PLXNB2: variants seen among roughly 807,000 people sequenced by gnomAD.
PLXNB2 encodes plexin-B2.
A neutral mutation model predicts 202.6 loss-of-function variants in PLXNB2; 85 were observed. The ratio of observed to expected loss-of-function variants is 0.42; its 90% CI spans 0.35 to 0.50. The LOEUF (loss-of-function observed/expected upper bound fraction) is 0.50, where lower values mean the gene tolerates loss of function less well. PLXNB2 is among the 20% of genes least tolerant of loss of function. The pLI is 0.02. For missense variants in PLXNB2, 2,063 were observed against 2,586.2 expected (o/e 0.80, Z 4.39); for synonymous variants, 1,239 against 1,137.6 (o/e 1.09, Z -1.79).
chr22:50,279,865 G>A, intron 26 of PLXNB2, 89 bp from the exon 27 acceptor site: 2 of 1,510,376 alleles, frequency 1.3e-6, no homozygotes, highest in Non-Finnish European at 1.8e-6. Context: ...CATGGACGGG[G>A]CTGACCATGT....
intron 1 of PLXNB2, among the ~76,000 whole-genome samples, chr22:50,305,305 G>A (rs1046934178): frequency 1.3e-5 from 2 of 152,142 alleles, no homozygotes. Context: ...TCCCTGGGCC[G>A]GGTCCAAGGC....
At chr22:50,296,598 A>C (rs2067295156) in intron 1 of PLXNB2, among the ~76,000 whole-genome samples, 2 of 150,378 alleles carry the variant, frequency 1.3e-5, no homozygotes, top group African/African-American at 4.9e-5. Flanking sequence ...CTCAAAAAAA[A>C]AAAAAAAAAA....
intron 34 of PLXNB2, 60 bp from the exon 35 acceptor site, chr22:50,276,764 G>T: frequency 6.2e-7 from 1 of 1,600,058 alleles, no homozygotes; most frequent in Non-Finnish European, 8.6e-7. Context: ...GGGTGGTGGG[G>T]GAAACCAAGG....
Position 50,306,983 on chromosome 22 carries a change from GGCTCGC to G in PLXNB2, c.-74+564_-74+569del, listed in dbSNP as rs1034263988. ...GGCAGGGTCAGCAGGGGACAGGCAG[GGCTCGC>G]GCCCCCGCTTCTGAGACTTTCTGTG... On this transcript the variant is annotated intron_variant, in intron 1 of 36. Coordinates refer to ENST00000359337, the MANE Select transcript of PLXNB2 (RefSeq NM_012401.4). 3.0e-4 allele frequency among the ~76,000 whole-genome samples: 45 copies of G among 152,318 alleles called. 1 individual carries two copies. Among genetic ancestry groups the G allele is most frequent in the African/African-American group, 1.1e-3 (44 of 41,576 alleles).
At chr22:50,305,287 G>A (rs1419871058) in intron 1 of PLXNB2, among the ~76,000 whole-genome samples, 1 of 152,158 alleles carries the variant, frequency 6.6e-6, no homozygotes, top group African/African-American at 2.4e-5. Context: ...AATCTCTTCT[G>A]CTCCACTTCC....
rs751837061 is a variant in PLXNB2, at chr22:50,275,361, C to T, written c.*343G>A. On this transcript the variant is annotated 3_prime_UTR_variant, in exon 37 of 37. Transcript: ENST00000359337. Reference sequence around the variant, plus strand: ...AGGGGCCCAACCTAGGGCATGGAGGCGGCTGCTGGTGCGTGGGCGGAGGCG... The same window carrying T: ...AGGGGCCCAACCTAGGGCATGGAGGTGGCTGCTGGTGCGTGGGCGGAGGCG... 32 of 468,936 alleles carry T rather than the reference C, an allele frequency of 6.8e-5. No homozygotes were observed. The highest frequency in any genetic ancestry group is 2.2e-4 in the South Asian group (14 of 64,574). 29.0% of individuals were successfully genotyped at this position (468,936 alleles called of 1,614,324 possible). A position where few individuals can be genotyped will look rare whatever the true frequency, so the allele number is the denominator to read the frequency against.
intron 33 of PLXNB2, among the ~76,000 whole-genome samples, chr22:50,277,258 G>A (rs1036434169): frequency 4.6e-5 from 7 of 150,606 alleles, no homozygotes; most frequent in African/African-American, 9.8e-5. Context: ...CAGAGATCGC[G>A]CCACTGCACT....
Position 50,281,353 on chromosome 22 carries a change from G to C in PLXNB2, c.3662+7C>G. Reference sequence around the variant, plus strand: ...AGGGTGTTGGCACAGCCGGGGGGCGGGCTCACCAGTAGCAGTAGACAGACA... The same window carrying C: ...AGGGTGTTGGCACAGCCGGGGGGCGCGCTCACCAGTAGCAGTAGACAGACA... On this transcript the variant is annotated splice_region_variant and intron_variant, in intron 22 of 36. Coordinates refer to ENST00000359337, the MANE Select transcript of PLXNB2 (RefSeq NM_012401.4). 6.2e-7 allele frequency: 1 copy of C among 1,611,538 alleles called. No individual in the cohort carries two copies. Among genetic ancestry groups the C allele is most frequent in the Non-Finnish European group, 8.5e-7 (1 of 1,179,548 alleles).
At position 50,282,181 on chromosome 22, in the gene PLXNB2, G is replaced by A; in HGVS notation, c.3117+3C>T. 2 of 1,609,076 alleles carry A rather than the reference G, an allele frequency of 1.2e-6. No homozygotes were observed. Among genetic ancestry groups the A allele is most frequent in the Non-Finnish European group, 1.7e-6 (2 of 1,178,674 alleles). ...CCAGAGCTGAGCCCACGCCAGGACT[G>A]ACCGTCATGGGCTGCAGGGATTCAG... On this transcript the variant is annotated splice_donor_region_variant and intron_variant, in intron 19 of 36. Coordinates refer to ENST00000359337, the MANE Select transcript of PLXNB2 (RefSeq NM_012401.4).
chr22:50,292,740 C>A (rs763315533), intron 2 of PLXNB2, among the ~76,000 whole-genome samples: 2 of 151,942 alleles, frequency 1.3e-5, no homozygotes, highest in African/African-American at 4.8e-5. Flanking sequence ...CCCGTGGCAA[C>A]CCCCCGTTCT....
rs918605432 is a variant in PLXNB2 at position 50,288,441 on chromosome 22, C to A, written c.1380+302G>T. Among the ~76,000 whole-genome samples the A allele has an allele frequency of 6.6e-6, 1 of 152,172 alleles. No individual in the cohort carries two copies. The highest frequency in any genetic ancestry group is 1.5e-5 in the Non-Finnish European group (1 of 68,040). On this transcript the variant is annotated intron_variant, in intron 5 of 36. Coordinates refer to ENST00000359337, the MANE Select transcript of PLXNB2 (RefSeq NM_012401.4). This position sits in a 1 kb window ranked among gnomAD's most constrained non-coding sequence, Gnocchi z 5.0. ...TTCCCATCCACCCTCAGCAACACGCCTCAGACACCAACCCAGGTCCCTTCC... is the reference window on the plus strand; with the variant it reads ...TTCCCATCCACCCTCAGCAACACGCATCAGACACCAACCCAGGTCCCTTCC...
intron 27 of PLXNB2, 53 bp downstream of exon 27, chr22:50,279,577 C>A: frequency 1.3e-6 from 2 of 1,573,428 alleles, no homozygotes; most frequent in Non-Finnish European, 1.7e-6. Flanking sequence ...GATGCCCAAG[C>A]TCCTTAGCCC....
chr22:50,305,340 A>C (rs1022312457), intron 1 of PLXNB2, among the ~76,000 whole-genome samples: 3 of 152,204 alleles, frequency 2.0e-5, no homozygotes, highest in Non-Finnish European at 4.4e-5. Flanking sequence ...ACTTGGGGCC[A>C]GCTGCCGGCT....
intron 25 of PLXNB2, 127 bp from the exon 26 acceptor site, chr22:50,280,198 C>A (rs1315412313): frequency 2.8e-6 from 2 of 725,244 alleles, no homozygotes; most frequent in East Asian, 2.7e-5. Flanking sequence ...TGGCCTGCAG[C>A]GAGGACTACC....
Position 50,290,196 on chromosome 22 carries a change from A to T in PLXNB2, c.389T>A (p.Leu130His), listed in dbSNP as rs753306834. ...GCTGCCGTCCTCGTAGAACAGGCGGAGGGAGATGTTGCTCAGGGCGCGCAG... is the reference window on the plus strand; with the variant it reads ...GCTGCCGTCCTCGTAGAACAGGCGGTGGGAGATGTTGCTCAGGGCGCGCAG... ...CALRALSNISLRLFYEDGSGE... is the reference protein window; with the variant it reads ...CALRALSNISHRLFYEDGSGE... Residue 130 changes from leucine (L) to histidine (H), a missense_variant, in exon 3 of 37, where the codon CTC becomes CAC. Leu to His is a moderately conservative substitution (Grantham distance 99). Around this residue, in one of 2 missense-constraint regions of PLXNB2, gnomAD observed 1,303 missense variants for 1,476.8 expected, o/e 0.88. Coordinates refer to ENST00000359337, the MANE Select transcript of PLXNB2 (RefSeq NM_012401.4). 6.2e-7 allele frequency: 1 copy of T among 1,612,640 alleles called. No individual in the cohort carries two copies. The highest frequency in any genetic ancestry group is 8.5e-7 in the Non-Finnish European group (1 of 1,179,998).
intron 1 of PLXNB2, among the ~76,000 whole-genome samples, chr22:50,301,043 C>T (rs2067653085): frequency 1.3e-5 from 2 of 152,156 alleles, no homozygotes; most frequent in African/African-American, 4.8e-5. Context: ...CGTCCCTAGA[C>T]TGGGGCCCCA....
intron 23 of PLXNB2, 30 bp from the exon 24 acceptor site, chr22:50,281,003 G>A: frequency 3.7e-6 from 6 of 1,603,960 alleles, no homozygotes; most frequent in Non-Finnish European, 5.1e-6. Flanking sequence ...AGACGTCCCT[G>A]GCCACGTGGG....
At position 50,299,280 on chromosome 22, in the gene PLXNB2, G is replaced by T. The variant is rs972635658; in HGVS notation, c.-73-4502C>A. 4.6e-4 allele frequency among the ~76,000 whole-genome samples: 63 copies of T among 135,500 alleles called. No homozygotes were observed. In the South Asian group the frequency reaches 8.1e-3, roughly 18 times the overall value. 88.9% of individuals were successfully genotyped at this position (135,500 alleles called of 152,430 possible). A position where few individuals can be genotyped will look rare whatever the true frequency, so the allele number is the denominator to read the frequency against. The stretch of plus-strand genomic sequence containing the variant: ...CTCCAGGGCTCAAAGGATTGGGGTG[G>T]ACACAGGCCCTGCGTGGGGTGGGGG... On this transcript the variant is annotated intron_variant, in intron 1 of 36. Transcript: ENST00000359337.
intron 35 of PLXNB2, 51 bp from the exon 36 acceptor site, chr22:50,276,014 G>A (rs2147291696): frequency 6.5e-7 from 1 of 1,530,600 alleles, no homozygotes; most frequent in Non-Finnish European, 9.0e-7. Context: ...GGGAGCCCCA[G>A]GGCTGGCAGG....
Sources: allele counts gnomAD v4.1 joint callset (sites outside exome capture counted in the v4.1 genomes callset), GRCh38; gene constraint gnomAD v4.1.1; regional missense constraint gnomAD v4.1.1; non-coding constraint Gnocchi (gnomAD v3.1); transcripts MANE v1.5; gene names NCBI Gene and HGNC (gene_info 2026-07-23, HGNC 2026-07-21).